ESR1: variants seen among roughly 807,000 people sequenced by gnomAD.
ESR1 encodes estrogen receptor 1, also known as estrogen receptor.
ESR1 carries 12 observed loss-of-function variants against 52.7 expected under a neutral mutation model. The ratio of observed to expected loss-of-function variants is 0.23; its 90% CI spans 0.15 to 0.37. The LOEUF (loss-of-function observed/expected upper bound fraction) is 0.37, where lower values mean the gene tolerates loss of function less well. Ranked by LOEUF, ESR1 falls within the 10% of genes least tolerant of loss-of-function variation. The pLI, the probability that ESR1 is intolerant of heterozygous loss-of-function variation, is 1.00. For missense variants in ESR1, 584 were observed against 779.7 expected (o/e 0.75, Z 2.99); for synonymous variants, 305 against 316.8 (o/e 0.96, Z 0.39).
At chr6:151,895,157 T>G (rs1173035180) in intron 3 of ESR1, among the ~76,000 whole-genome samples, 1 of 150,366 alleles carries the variant, frequency 6.7e-6, no homozygotes, top group African/African-American at 2.5e-5. Context: ...TTGCAACTAT[T>G]GTGAAAAGGA....
chr6:152,122,617 C>A, intron 6 of ESR1: 1 of 1,614,126 alleles, frequency 6.2e-7, no homozygotes, highest in South Asian at 1.1e-5. Context: ...CAGGAAGCCG[C>A]GGCCGGACCG....
intron 2 of ESR1, among the ~76,000 whole-genome samples, chr6:151,850,114 T>TAA (rs61329041): frequency 1.4e-4 from 5 of 35,026 alleles, no homozygotes; most frequent in Non-Finnish European, 1.5e-4. Flanking sequence ...ATATACAAAA[T>TAA]TATATATATA....
At chr6:151,945,795 T>A (rs1038233700) in intron 4 of ESR1, among the ~76,000 whole-genome samples, 4 of 152,248 alleles carry the variant, frequency 2.6e-5, no homozygotes, top group African/African-American at 9.6e-5. Flanking sequence ...AGTGAACTTA[T>A]GTCTGGCCTT....
chr6:151,838,810 T>C (rs1205987518), intron 1 of ESR1, among the ~76,000 whole-genome samples: 1 of 152,208 alleles, frequency 6.6e-6, no homozygotes, highest in Non-Finnish European at 1.5e-5. Context: ...TTTAGATGCC[T>C]TCTATTTCTA....
intron 5 of ESR1, among the ~76,000 whole-genome samples, chr6:152,012,675 C>G (rs542134791): frequency 2.5e-4 from 38 of 152,300 alleles, no homozygotes; most frequent in African/African-American, 8.9e-4. Context: ...TTCCCACTCT[C>G]ATGTTCAGTG....
intron 1 of ESR1, among the ~76,000 whole-genome samples, chr6:151,695,941 T>C (rs1779301640): frequency 6.6e-6 from 1 of 152,178 alleles, no homozygotes; most frequent in Non-Finnish European, 1.5e-5. Flanking sequence ...TATTGGGAAA[T>C]TCCAAATTTT....
At chr6:151,705,589 A>G (rs893628066) in intron 2 of ESR1, among the ~76,000 whole-genome samples, 1 of 152,172 alleles carries the variant, frequency 6.6e-6, no homozygotes, top group African/African-American at 2.4e-5. Context: ...ACTAATGAAT[A>G]AGCTGCCATT....
chr6:151,737,840 A>T (rs1782791152), intron 2 of ESR1, among the ~76,000 whole-genome samples: 2 of 152,210 alleles, frequency 1.3e-5, no homozygotes, highest in Non-Finnish European at 2.9e-5. Flanking sequence ...TCAAATAATG[A>T]TATTATTATT....
chr6:152,096,710 G>A, intron 7 of ESR1: 2 of 455,998 alleles, frequency 4.4e-6, no homozygotes, highest in Non-Finnish European at 4.4e-6. Context: ...CTGTCAGGTA[G>A]AGTAGGTGAC....
At chr6:152,052,404 A>G (rs2046761271) in intron 5 of ESR1, among the ~76,000 whole-genome samples, 1 of 152,214 alleles carries the variant, frequency 6.6e-6, no homozygotes, top group Non-Finnish European at 1.5e-5. Flanking sequence ...TGGGCCAAGT[A>G]TAGGCGACAG....
rs1191942921 is a variant in ESR1 at position 152,101,309 on chromosome 6, T to C, written c.*2343T>C. 1.7e-5 allele frequency: 4 copies of C among 232,384 alleles called. No individual in the cohort carries two copies. Among genetic ancestry groups the C allele is most frequent in the Non-Finnish European group, 3.4e-5 (4 of 117,414 alleles). The allele number at this position is 232,384 out of a possible 1,614,324, so 14.4% of individuals were successfully genotyped here. On this transcript the variant is annotated 3_prime_UTR_variant, in exon 8 of 8. Transcript: ENST00000206249. ...TATCAGTAGTAATATTTTTGGACAG[T>C]AGCTAATGGGTCAGTGGGTTCTTTT...
At chr6:151,993,412 G>C (rs779315780) in intron 4 of ESR1, among the ~76,000 whole-genome samples, 1 of 152,088 alleles carries the variant, frequency 6.6e-6, no homozygotes, top group Non-Finnish European at 1.5e-5. Context: ...ACTTGGCCCA[G>C]AGCAAGTGAA....
At chr6:151,764,500 G>A (rs1269223101) in intron 2 of ESR1, among the ~76,000 whole-genome samples, 1 of 152,100 alleles carries the variant, frequency 6.6e-6, no homozygotes, top group African/African-American at 2.4e-5. Flanking sequence ...GTGGGGGGCT[G>A]CTGAGCGCAG....
intron 2 of ESR1, among the ~76,000 whole-genome samples, chr6:151,749,655 A>G (rs1783753167): frequency 6.6e-6 from 1 of 152,204 alleles, no homozygotes; most frequent in African/African-American, 2.4e-5. Context: ...TGCAGGGTAG[A>G]CTTGGAAAAT....
At chr6:151,978,639 G>A (rs1020279352) in intron 4 of ESR1, among the ~76,000 whole-genome samples, 2 of 152,042 alleles carry the variant, frequency 1.3e-5, no homozygotes, top group African/African-American at 4.8e-5. Context: ...AAGGTCTATC[G>A]CAGTTAAAGG....
chr6:152,051,162 C>G (rs568938933), intron 5 of ESR1, among the ~76,000 whole-genome samples: 23 of 152,242 alleles, frequency 1.5e-4, no homozygotes, highest in African/African-American at 5.5e-4. Context: ...TTTCTATTCT[C>G]TTATCATAAA....
chr6:151,848,631 A>G (rs1310415992), intron 2 of ESR1, among the ~76,000 whole-genome samples: 1 of 152,076 alleles, frequency 6.6e-6, no homozygotes, highest in African/African-American at 2.4e-5. Context: ...TGTCTGGAAA[A>G]GGTTAGAGAA....
intron 3 of ESR1, among the ~76,000 whole-genome samples, chr6:151,919,903 T>TACATGTATATGTATATGC (rs2031251235): frequency 6.6e-6 from 1 of 152,184 alleles, no homozygotes; most frequent in Non-Finnish European, 1.5e-5. Flanking sequence ...TATGTATATG[T>TACATGTATATGTATATGC]ACATGTATAT....
intron 2 of ESR1, among the ~76,000 whole-genome samples, chr6:151,714,018 C>A (rs1437408889): frequency 6.6e-6 from 1 of 152,082 alleles, no homozygotes; most frequent in Non-Finnish European, 1.5e-5. Flanking sequence ...TAGCTGTGTC[C>A]CAGAGATTCT....
Sources: gnomAD v4.1 joint callset for allele counts (sites outside exome capture counted in the v4.1 genomes callset) on GRCh38, gnomAD v4.1.1 for gene constraint, MANE v1.5 for transcripts, NCBI Gene and HGNC (gene_info 2026-07-23, HGNC 2026-07-21) for gene names.